Variants in ELOA observed in about 807,000 individuals in gnomAD.
The protein encoded by ELOA is elongin A.
A neutral mutation model predicts 85.2 loss-of-function variants in ELOA; 15 were observed. The observed-to-expected ratio is 0.18, with a 90% CI of 0.12 to 0.27. ELOA has a LOEUF of 0.27. Ranked by LOEUF, ELOA falls within the 10% of genes least tolerant of loss-of-function variation. ELOA has a pLI of 1.00. For missense variants in ELOA, 769 were observed against 952.7 expected (o/e 0.81, Z 2.54); for synonymous variants, 348 against 357.2 (o/e 0.97, Z 0.29).
At chr1:23,752,137 G>A in intron 4 of ELOA, 107 bp downstream of exon 4, 2 of 1,166,692 alleles carry the variant, frequency 1.7e-6, no homozygotes, top group Non-Finnish European at 2.4e-6. Context: ...TGGGGGGCAT[G>A]TTGAATTTCA....
At chr1:23,758,251 A>ATTAT (rs1638234697) in intron 10 of ELOA, among the ~76,000 whole-genome samples, 1 of 48,576 alleles carries the variant, frequency 2.1e-5, no homozygotes, top group African/African-American at 9.0e-5. Context: ...CTTCCAATTT[A>ATTAT]TTTATTTATT....
chr1:23,751,396 C>T lies in ELOA; in HGVS notation c.791C>T (p.Ser264Phe), dbSNP rs770786578. Reference sequence around the variant, plus strand: ...GATGCCAAGAGTGATGAGAAGGCCTCTGTGGTGAGCAGAGAGAAATCACAC... The same window carrying T: ...GATGCCAAGAGTGATGAGAAGGCCTTTGTGGTGAGCAGAGAGAAATCACAC... Reference protein sequence around the residue: ...PVDAKSDEKASVVSREKSHKA... With the variant: ...PVDAKSDEKAFVVSREKSHKA... The change falls in exon 4 of 11, where the codon TCT (serine) becomes TTT (phenylalanine). Residue 264 changes from serine (S) to phenylalanine (F), a missense_variant. Physicochemically the swap from Ser to Phe is radical, Grantham distance 155 (BLOSUM62 -2). This residue lies in a region of ELOA where 440 missense variants were observed against 474.0 expected (regional missense o/e 0.93). Coordinates refer to ENST00000613537, the MANE Select transcript of ELOA (RefSeq NM_003198.3). 1.2e-6 allele frequency: 2 copies of T among 1,614,076 alleles called. No homozygotes were observed. Among genetic ancestry groups the T allele is most frequent in the African/African-American group, 1.3e-5 (1 of 74,932 alleles).
At chr1:23,749,972 T>C (rs981412091) in intron 3 of ELOA, 24 bp downstream of exon 3, 9 of 1,568,178 alleles carry the variant, frequency 5.7e-6, no homozygotes, top group Middle Eastern at 1.7e-4. Flanking sequence ...TCTTTAGGTT[T>C]GTTCAATTTC....
At chr1:23,758,952 A>G (rs1007570785) in intron 10 of ELOA, among the ~76,000 whole-genome samples, 3 of 152,180 alleles carry the variant, frequency 2.0e-5, no homozygotes, top group Non-Finnish European at 4.4e-5. Context: ...CACACCTGTA[A>G]TCCCAGCACT....
chr1:23,750,381 T>C (rs1401978089), intron 3 of ELOA, among the ~76,000 whole-genome samples: 2 of 152,074 alleles, frequency 1.3e-5, no homozygotes, highest in East Asian at 3.9e-4. Flanking sequence ...TTCGCCGTAT[T>C]AGCCAGGATA....
In ELOA at chr1:23,747,288, G is replaced by A. The variant is rs185257466; in HGVS notation, c.76-1733G>A. Among the ~76,000 whole-genome samples, 6 of 152,334 alleles carry A rather than the reference G, an allele frequency of 3.9e-5. 1 individual carries two copies. Among genetic ancestry groups the A allele is most frequent in the Admixed American group, 3.9e-4 (6 of 15,300 alleles). ...TCTATTTTCATTTCCTAAGGACAGT[G>A]TTCTGATGTTGGATGCTTCTCCTGG... On this transcript the variant is annotated intron_variant, in intron 1 of 10. Transcript: ENST00000613537.
At chr1:23,753,973 C>A in intron 5 of ELOA, 127 bp from the exon 6 acceptor site, 1 of 1,185,450 alleles carries the variant, frequency 8.4e-7, no homozygotes, top group Non-Finnish European at 1.2e-6. Flanking sequence ...TTTAAATTCT[C>A]TGGAAGGATC....
chr1:23,755,568 G>A (rs1644790602), intron 7 of ELOA, among the ~76,000 whole-genome samples: 1 of 152,060 alleles, frequency 6.6e-6, no homozygotes, highest in African/African-American at 2.4e-5. Flanking sequence ...GATTATCTGA[G>A]GTCAGGAGTT....
rs55782205 is a variant in ELOA, at chr1:23,746,608, CAAAAAA to C, written c.76-2395_76-2390del. ...GACAACAAGAGCAAAACTCCATCTC[CAAAAAA>C]AAAAAAAAAAAAAAAAAGGATCCTC... On this transcript the variant is annotated intron_variant, in intron 1 of 10. Transcript: ENST00000613537. Among the ~76,000 whole-genome samples, 202 of 68,432 alleles carry C rather than the reference CAAAAAA, an allele frequency of 3.0e-3. 2 individuals are homozygous for C. The highest frequency in any genetic ancestry group is 0.011 in the African/African-American group (190 of 17,468). 44.9% of individuals were successfully genotyped at this position (68,432 alleles called of 152,430 possible). A position where few individuals can be genotyped will look rare whatever the true frequency, so the allele number is the denominator to read the frequency against.
Position 23,749,832 on chromosome 1 carries a change from C to T in ELOA, c.133-10C>T. The T allele has an allele frequency of 3.1e-6, 5 of 1,612,740 alleles. No homozygotes were observed. Among genetic ancestry groups the T allele is most frequent in the Non-Finnish European group, 3.4e-6 (4 of 1,179,226 alleles). On this transcript the variant is annotated splice_polypyrimidine_tract_variant and intron_variant, in intron 2 of 10. Transcript: ENST00000613537. ...CAGACCCCTCTAACAATTACTTTGT[C>T]AAATTTTAGGAGACTGGGGTTGGGA...
chr1:23,757,139 A>G lies in ELOA; in HGVS notation c.2257+14A>G. On this transcript the variant is annotated intron_variant, in intron 10 of 10. Transcript: ENST00000613537. Reference sequence around the variant, plus strand: ...CCACTGTGAAGAGTAAGTAACTTGGAGTTCCTGCTCAAATATTATTTCAGC... The same window carrying G: ...CCACTGTGAAGAGTAAGTAACTTGGGGTTCCTGCTCAAATATTATTTCAGC... The G allele has an allele frequency of 6.6e-7, 1 of 1,526,246 alleles. No individual in the cohort carries two copies. Among genetic ancestry groups the G allele is most frequent in the Non-Finnish European group, 8.8e-7 (1 of 1,139,478 alleles). The allele number at this position is 1,526,246 out of a possible 1,614,324, so 94.5% of individuals were successfully genotyped here.
At chr1:23,748,140 A>G (rs929313073) in intron 1 of ELOA, among the ~76,000 whole-genome samples, 28 of 152,198 alleles carry the variant, frequency 1.8e-4, no homozygotes, top group Admixed American at 2.6e-4. Flanking sequence ...GATGAATGAA[A>G]TGATAAGTAT....
chr1:23,750,777 A>AT (rs1335221201), intron 3 of ELOA, 68 bp from the exon 4 acceptor site: 100 of 1,429,334 alleles, frequency 7.0e-5, no homozygotes, highest in Non-Finnish European at 8.9e-5. Context: ...GTGAGTTCAG[A>AT]TTCTGTGACT....
At chr1:23,755,789 A>AT in intron 7 of ELOA, 54 bp from the exon 8 acceptor site, 1 of 1,533,010 alleles carries the variant, frequency 6.5e-7, no homozygotes, top group East Asian at 2.3e-5. Flanking sequence ...CAAAAAAAAA[A>AT]AAAAAATATG....
At chr1:23,749,790 A>G (rs1313886325) in intron 2 of ELOA, 52 bp from the exon 3 acceptor site, 1 of 1,511,572 alleles carries the variant, frequency 6.6e-7, no homozygotes, top group Non-Finnish European at 9.1e-7. Flanking sequence ...TTCTTTAGAA[A>G]AACGTTAGCC....
chr1:23,747,166 C>A (rs1644750851), intron 1 of ELOA, among the ~76,000 whole-genome samples: 1 of 152,174 alleles, frequency 6.6e-6, no homozygotes, highest in Admixed American at 6.5e-5. Context: ...CCCTTGGTGA[C>A]CTCCTTTACT....
chr1:23,757,998 G>A (rs1387061705), intron 10 of ELOA, among the ~76,000 whole-genome samples: 1 of 151,516 alleles, frequency 6.6e-6, no homozygotes, highest in Non-Finnish European at 1.5e-5. Context: ...CTGGGATTGT[G>A]CCACTGCCCT....
chr1:23,751,738 C>T lies in ELOA; in HGVS notation c.1133C>T (p.Thr378Ile). The change falls in exon 4 of 11, where the codon ACT becomes ATT. Residue 378 changes from threonine (T) to isoleucine (I), a missense_variant. By Grantham distance (89) the Thr-to-Ile change is moderately conservative. Transcript: ENST00000613537. Reference sequence around the variant, plus strand: ...AAGACTCCAGAAGGGAAAGTCAAAACTAATTTGGATAGAAAGTCACTGGGC... The same window carrying T: ...AAGACTCCAGAAGGGAAAGTCAAAATTAATTTGGATAGAAAGTCACTGGGC... The part of the protein sequence containing the change: ...NLKTPEGKVK[T>I]NLDRKSLGSL... 6.2e-7 allele frequency: 1 copy of T among 1,614,154 alleles called. No individual in the cohort carries two copies. The highest frequency in any genetic ancestry group is 1.1e-5 in the South Asian group (1 of 91,080).
intron 1 of ELOA, chr1:23,743,908 G>A (rs1282824655): frequency 4.9e-6 from 1 of 202,872 alleles, no homozygotes; most frequent in Non-Finnish European, 9.9e-6. Flanking sequence ...AGCGTGCCCG[G>A]GGCGGGAGGG....
Sources: gnomAD v4.1 joint callset for allele counts (sites outside exome capture counted in the v4.1 genomes callset) on GRCh38, gnomAD v4.1.1 for gene constraint, gnomAD v4.1.1 regional missense constraint, MANE v1.5 for transcripts, NCBI Gene and HGNC (gene_info 2026-07-23, HGNC 2026-07-21) for gene names.